PHYHIPL: variants seen among roughly 807,000 people sequenced by gnomAD.
PHYHIPL encodes phytanoyl-CoA 2-hydroxylase interacting protein like.
A neutral mutation model predicts 33.4 loss-of-function variants in PHYHIPL; 9 were observed. That is an observed-to-expected ratio of 0.27 (90% CI 0.16 to 0.47). PHYHIPL has a LOEUF of 0.47. PHYHIPL is among the 20% of genes least tolerant of loss of function. The probability of loss-of-function intolerance (pLI) is 0.99; values close to 1 mark genes in which losing one functional copy is unlikely to be tolerated. For missense variants in PHYHIPL, 365 were observed against 460.7 expected, an observed-to-expected ratio of 0.79 and a Z score of 1.90; for synonymous variants, 153 against 154.1, an observed-to-expected ratio of 0.99 and a Z score of 0.05.
chr10:59,200,459 C>G (rs534209386), intron 1 of PHYHIPL, among the ~76,000 whole-genome samples: 1 of 152,198 alleles, frequency 6.6e-6, no homozygotes, highest in South Asian at 2.1e-4. Context: ...TTTGGTTTGC[C>G]AGGATTTTAT....
intron 3 of PHYHIPL, among the ~76,000 whole-genome samples, chr10:59,237,450 ATGAC>A (rs1312722102): frequency 6.6e-6 from 1 of 151,918 alleles, no homozygotes; most frequent in Non-Finnish European, 1.5e-5. Flanking sequence ...GTTCATCAAG[ATGAC>A]TGTTTCCTAT....
intron 1 of PHYHIPL, among the ~76,000 whole-genome samples, chr10:59,185,226 G>C (rs1377093737): frequency 6.6e-6 from 1 of 151,694 alleles, no homozygotes; most frequent in Non-Finnish European, 1.5e-5. Context: ...TCCTGACCTC[G>C]TGATCCGCCC....
chr10:59,205,604 TAC>T (rs969392164), intron 1 of PHYHIPL, among the ~76,000 whole-genome samples: 2 of 152,202 alleles, frequency 1.3e-5, no homozygotes, highest in Non-Finnish European at 2.9e-5. Context: ...GCTAGAGTAT[TAC>T]AGAGTTTTAT....
At position 59,247,257 on chromosome 10, in the gene PHYHIPL, T is replaced by C. The variant is rs1446099556; in HGVS notation, c.*1666T>C. The C allele has an allele frequency of 5.3e-6, 1 of 190,172 alleles. No homozygotes were observed. The highest frequency in any genetic ancestry group is 1.1e-5 in the Non-Finnish European group (1 of 94,298). 11.8% of individuals were successfully genotyped at this position (190,172 alleles called of 1,614,324 possible). A position where few individuals can be genotyped will look rare whatever the true frequency, so the allele number is the denominator to read the frequency against. ...TCATGCTCTTTTCCATACATCAACA[T>C]AAACAGTCTTTGGATACTAAATAAA... On this transcript the variant is annotated 3_prime_UTR_variant, in exon 5 of 5. Transcript: ENST00000373880.
chr10:59,233,438 T>C (rs975719331), intron 1 of PHYHIPL, among the ~76,000 whole-genome samples: 17 of 151,870 alleles, frequency 1.1e-4, no homozygotes, highest in African/African-American at 2.9e-4. Context: ...CATTTTTTTT[T>C]TCTCTCTTGA....
chr10:59,179,185 A>G (rs1471471053), intron 1 of PHYHIPL, among the ~76,000 whole-genome samples: 1 of 152,200 alleles, frequency 6.6e-6, no homozygotes, highest in South Asian at 2.1e-4. Flanking sequence ...ATAGAACAGC[A>G]TATGAAATGT....
intron 1 of PHYHIPL, among the ~76,000 whole-genome samples, chr10:59,230,258 G>C (rs1297099492): frequency 7.6e-6 from 1 of 131,910 alleles, no homozygotes; most frequent in East Asian, 2.2e-4. Context: ...CTGTCCCCCA[G>C]GCTGGAGTGC....
intron 4 of PHYHIPL, 112 bp downstream of exon 4, chr10:59,238,817 A>G: frequency 1.6e-6 from 1 of 608,766 alleles, no homozygotes; most frequent in Non-Finnish European, 2.8e-6. Context: ...ATTTCTTTTC[A>G]AAATAACGAT....
chr10:59,177,435 C>T, intron 1 of PHYHIPL: 1 of 1,491,842 alleles, frequency 6.7e-7, no homozygotes, highest in East Asian at 2.5e-5. Flanking sequence ...TCAGACTCCC[C>T]AAATTAACAA....
intron 1 of PHYHIPL, chr10:59,177,456 C>G: frequency 6.6e-7 from 1 of 1,518,122 alleles, no homozygotes; most frequent in Non-Finnish European, 8.8e-7. Context: ...GTCTTTTTAG[C>G]CTCTTGGATT....
At chr10:59,201,783 A>G (rs746638061) in intron 1 of PHYHIPL, among the ~76,000 whole-genome samples, 3 of 152,178 alleles carry the variant, frequency 2.0e-5, no homozygotes, top group Admixed American at 6.6e-5. Context: ...CATAATTATG[A>G]ATTAAAATAT....
At chr10:59,207,619 C>T (rs1165380064) in intron 1 of PHYHIPL, among the ~76,000 whole-genome samples, 5 of 152,140 alleles carry the variant, frequency 3.3e-5, no homozygotes, top group East Asian at 3.9e-4. Context: ...CGGCCAGGCA[C>T]GGTGGCTCAC....
At chr10:59,208,732 A>G (rs1431718721) in intron 1 of PHYHIPL, among the ~76,000 whole-genome samples, 1 of 152,086 alleles carries the variant, frequency 6.6e-6, no homozygotes, top group Non-Finnish European at 1.5e-5. Context: ...AAGAACAGAA[A>G]TGACCTGATG....
intron 1 of PHYHIPL, among the ~76,000 whole-genome samples, chr10:59,224,485 C>CAAAACAAAACAAAACAAAACAA (rs1564454977): frequency 1.3e-5 from 2 of 150,834 alleles, no homozygotes; most frequent in South Asian, 2.1e-4. Flanking sequence ...CAAAACAAAA[C>CAAAACAAAACAAAACAAAACAA]AAAACAAAAC....
At chr10:59,180,721 AT>A in intron 1 of PHYHIPL, among the ~76,000 whole-genome samples, 1 of 152,164 alleles carries the variant, frequency 6.6e-6, no homozygotes, top group Admixed American at 6.5e-5. Context: ...AAAAAGATAA[AT>A]TTCTTTGAAT....
At position 59,236,666 on chromosome 10, in the gene PHYHIPL, A is replaced by C; in HGVS notation, c.478+9A>C. 6.3e-7 allele frequency: 1 copy of C among 1,580,096 alleles called. No homozygotes were observed. Reference sequence around the variant, plus strand: ...AGAATTCTGCACCGCAGGTAAGAGAACTAGGTACAAATATAGAAAAGCTTT... The same window carrying C: ...AGAATTCTGCACCGCAGGTAAGAGACCTAGGTACAAATATAGAAAAGCTTT... On this transcript the variant is annotated intron_variant, in intron 3 of 4. Coordinates refer to ENST00000373880, the MANE Select transcript of PHYHIPL (RefSeq NM_032439.4).
chr10:59,201,459 A>G (rs1178041323), intron 1 of PHYHIPL, among the ~76,000 whole-genome samples: 3 of 152,158 alleles, frequency 2.0e-5, no homozygotes, highest in African/African-American at 4.8e-5. Flanking sequence ...ACATTTGCTG[A>G]AGAGAGCTTT....
intron 1 of PHYHIPL, among the ~76,000 whole-genome samples, chr10:59,211,774 C>T (rs911249758): frequency 6.9e-6 from 1 of 145,722 alleles, no homozygotes; most frequent in African/African-American, 2.5e-5. Context: ...AACTGAAGTA[C>T]TTTTTAGGTC....
intron 1 of PHYHIPL, among the ~76,000 whole-genome samples, chr10:59,220,738 A>G (rs1370681466): frequency 6.6e-6 from 1 of 152,046 alleles, no homozygotes; most frequent in African/African-American, 2.4e-5. Context: ...GGTGTAGTAC[A>G]GTGGTTAGGA....
Sources: gnomAD v4.1 joint callset for allele counts (sites outside exome capture counted in the v4.1 genomes callset) on GRCh38, gnomAD v4.1.1 for gene constraint, MANE v1.5 for transcripts, NCBI Gene and HGNC (gene_info 2026-07-23, HGNC 2026-07-21) for gene names.